TNIK: variants seen among roughly 807,000 people sequenced by gnomAD.
TNIK encodes the protein TRAF2 and NCK interacting kinase.
Under a neutral mutation model 191.3 loss-of-function variants are expected in TNIK, and 49 were observed. The ratio of observed to expected loss-of-function variants is 0.26; its 90% CI spans 0.20 to 0.32. The LOEUF (loss-of-function observed/expected upper bound fraction) is 0.32, where lower values mean the gene tolerates loss of function less well. Among genes scored for constraint, TNIK ranks in the 10% least tolerant of loss-of-function variants. The pLI, the probability that TNIK is intolerant of heterozygous loss-of-function variation, is 1.00. For missense variants in TNIK, 1,155 were observed against 1,702.3 expected, an observed-to-expected ratio of 0.68 and a Z score of 5.66; for synonymous variants, 594 against 600.9, an observed-to-expected ratio of 0.99 and a Z score of 0.17.
At chr3:171,178,573 T>C (rs1164291032) in intron 7 of TNIK, among the ~76,000 whole-genome samples, 1 of 152,298 alleles carries the variant, frequency 6.6e-6, no homozygotes, top group Non-Finnish European at 1.5e-5. Context: ...CCTCCCATAC[T>C]CTGTCTGTGG....
intron 1 of TNIK, among the ~76,000 whole-genome samples, chr3:171,385,862 T>C (rs1346693141): frequency 1.3e-5 from 2 of 152,232 alleles, no homozygotes; most frequent in African/African-American, 4.8e-5. Flanking sequence ...ATTTCAAGTA[T>C]TGAACACACA....
rs1577490950 is a variant in TNIK, at chr3:171,327,371, C to T, written c.123+42249G>A. Reference sequence around the variant, plus strand: ...CCAACTATTTCTCTTGCCTCCTGAGCACACAGGAGAGCTACCTTTCCCGGT... The same window carrying T: ...CCAACTATTTCTCTTGCCTCCTGAGTACACAGGAGAGCTACCTTTCCCGGT... On this transcript the variant is annotated intron_variant, in intron 2 of 32. Transcript: ENST00000436636. Among the ~76,000 whole-genome samples, 3 of 152,302 alleles carry T rather than the reference C, an allele frequency of 2.0e-5. 1 individual carries two copies. The highest frequency in any genetic ancestry group is 4.8e-5 in the African/African-American group (2 of 41,566).
intron 2 of TNIK, among the ~76,000 whole-genome samples, chr3:171,321,301 GAAC>G (rs1263319353): frequency 1.3e-5 from 2 of 151,972 alleles, no homozygotes; most frequent in African/African-American, 4.8e-5. Context: ...TTGTTTCAGA[GAAC>G]AAGAAGGACT....
At chr3:171,426,319 A>C (rs1054303830) in intron 1 of TNIK, among the ~76,000 whole-genome samples, 5 of 148,058 alleles carry the variant, frequency 3.4e-5, no homozygotes, top group Non-Finnish European at 7.4e-5. Flanking sequence ...AAAACCAAAC[A>C]CCGCATGTTC....
At chr3:171,404,246 C>T (rs1577804593) in intron 1 of TNIK, among the ~76,000 whole-genome samples, 1 of 152,188 alleles carries the variant, frequency 6.6e-6, no homozygotes, top group Admixed American at 6.5e-5. Context: ...TCCCTAGCCA[C>T]TGTCCACCAA....
intron 28 of TNIK, among the ~76,000 whole-genome samples, chr3:171,079,224 A>C (rs552996845): frequency 6.6e-4 from 101 of 152,280 alleles, no homozygotes; most frequent in Non-Finnish European, 1.3e-3. Flanking sequence ...TCTTGGTCCC[A>C]CTGTCCTCAT....
At chr3:171,446,127 C>T (rs1340336711) in intron 1 of TNIK, among the ~76,000 whole-genome samples, 3 of 152,206 alleles carry the variant, frequency 2.0e-5, no homozygotes, top group Non-Finnish European at 4.4e-5. Context: ...GTTTTTAAAG[C>T]ATAGCTAGCA....
At chr3:171,317,563 C>A (rs1234656174) in intron 2 of TNIK, among the ~76,000 whole-genome samples, 1 of 152,156 alleles carries the variant, frequency 6.6e-6, no homozygotes, top group Non-Finnish European at 1.5e-5. Context: ...CCAAGAGAAA[C>A]AACTACCTCT....
At chr3:171,453,464 T>TG (rs931560974) in intron 1 of TNIK, among the ~76,000 whole-genome samples, 1 of 151,738 alleles carries the variant, frequency 6.6e-6, no homozygotes, top group Non-Finnish European at 1.5e-5. Context: ...CCTGCCGCAA[T>TG]GGGGGAGTGG....
chr3:171,108,784 A>G (rs886331998), intron 19 of TNIK, among the ~76,000 whole-genome samples: 29 of 152,210 alleles, frequency 1.9e-4, no homozygotes, highest in Admixed American at 1.9e-3. Flanking sequence ...TAAAAATAAA[A>G]GAATGAGGTG....
chr3:171,105,683 G>A (rs753983847), intron 21 of TNIK, among the ~76,000 whole-genome samples: 1 of 152,146 alleles, frequency 6.6e-6, no homozygotes, highest in Non-Finnish European at 1.5e-5. Context: ...AAAAAAAGTA[G>A]AGCAATTTTT....
intron 2 of TNIK, among the ~76,000 whole-genome samples, chr3:171,244,108 G>A (rs1248075129): frequency 6.7e-6 from 1 of 149,312 alleles, no homozygotes; most frequent in Non-Finnish European, 1.5e-5. Context: ...TCGCCCGCCG[G>A]GGTGGGAATG....
intron 2 of TNIK, among the ~76,000 whole-genome samples, chr3:171,275,781 C>T (rs1749661129): frequency 6.6e-6 from 1 of 151,984 alleles, no homozygotes; most frequent in South Asian, 2.1e-4. Flanking sequence ...CCTGTAGTCC[C>T]AGCTACTCGG....
chr3:171,357,785 G>GA (rs1714342901), intron 2 of TNIK, among the ~76,000 whole-genome samples: 1 of 152,168 alleles, frequency 6.6e-6, no homozygotes, highest in Non-Finnish European at 1.5e-5. Context: ...AACAGGGGGT[G>GA]AGGAAGGGCA....
intron 1 of TNIK, among the ~76,000 whole-genome samples, chr3:171,452,383 C>T (rs1728270176): frequency 6.6e-6 from 1 of 152,110 alleles, no homozygotes; most frequent in African/African-American, 2.4e-5. Context: ...CTTACATATT[C>T]CAGGAATATG....
intron 2 of TNIK, among the ~76,000 whole-genome samples, chr3:171,334,586 A>G (rs1198207287): frequency 6.6e-6 from 1 of 152,182 alleles, no homozygotes. Context: ...ATAGTCTAGA[A>G]TCAAGCTACC....
At chr3:171,358,896 A>G (rs896360104) in intron 2 of TNIK, among the ~76,000 whole-genome samples, 1 of 152,146 alleles carries the variant, frequency 6.6e-6, no homozygotes, top group Admixed American at 6.5e-5. Flanking sequence ...TCTATAATTA[A>G]GTTTTAAGTT....
chr3:171,326,452 G>GA (rs200632282), intron 2 of TNIK, among the ~76,000 whole-genome samples: 19 of 143,928 alleles, frequency 1.3e-4, no homozygotes, highest in Middle Eastern at 3.7e-3. Context: ...TCTCCCACAA[G>GA]AAAAAAAAAG....
At chr3:171,078,402 C>T (rs1720256802) in intron 28 of TNIK, among the ~76,000 whole-genome samples, 1 of 151,962 alleles carries the variant, frequency 6.6e-6, no homozygotes, top group Non-Finnish European at 1.5e-5. Flanking sequence ...ACTTTTATTA[C>T]ATTTTTTATT....
Sources: allele counts gnomAD v4.1 joint callset (sites outside exome capture counted in the v4.1 genomes callset), GRCh38; gene constraint gnomAD v4.1.1; transcripts MANE v1.5; gene names NCBI Gene and HGNC (gene_info 2026-07-23, HGNC 2026-07-21).